ADGRG6: variants seen among roughly 807,000 people sequenced by gnomAD.
ADGRG6 encodes the protein G-protein coupled receptor 126.
In ADGRG6, 84 loss-of-function variants were observed where a neutral mutation model predicts 142.4. The observed-to-expected ratio is 0.59, with a 90% CI of 0.49 to 0.71. The LOEUF (loss-of-function observed/expected upper bound fraction) is 0.71, where lower values mean the gene tolerates loss of function less well. ADGRG6 is among the 30% of genes least tolerant of loss of function. The pLI is 0.00. For missense variants in ADGRG6, 1,367 were observed against 1,466.6 expected, an observed-to-expected ratio of 0.93 and a Z score of 1.11; for synonymous variants, 521 against 520.5, an observed-to-expected ratio of 1.00 and a Z score of -0.01.
chr6:142,323,247 A>T (rs80073600), intron 2 of ADGRG6, among the ~76,000 whole-genome samples: 6,356 of 152,140 alleles, frequency 0.042, 279 homozygotes, highest in African/African-American at 0.12. Flanking sequence ...ATACAAAAAC[A>T]TCTCATGAAA....
At chr6:142,433,461 C>T (rs1053359971) in intron 22 of ADGRG6, among the ~76,000 whole-genome samples, 5 of 152,164 alleles carry the variant, frequency 3.3e-5, no homozygotes, top group Admixed American at 6.5e-5. Flanking sequence ...CTTTAAAAAG[C>T]AATGAGATTT....
chr6:142,317,959 A>T (rs1279074575), intron 2 of ADGRG6, among the ~76,000 whole-genome samples: 2 of 68,452 alleles, frequency 2.9e-5, no homozygotes, highest in African/African-American at 1.2e-4. Flanking sequence ...TATATTATAT[A>T]TTTATATATT....
rs1380625105 is a variant in ADGRG6 at position 142,445,636 on chromosome 6, A to T, written c.*2121A>T. 1.3e-5 allele frequency: 2 copies of T among 152,172 alleles called. No homozygotes were observed. The highest frequency in any genetic ancestry group is 4.8e-5 in the African/African-American group (2 of 41,446). 9.4% of individuals were successfully genotyped at this position (152,172 alleles called of 1,614,324 possible). On this transcript the variant is annotated 3_prime_UTR_variant, in exon 25 of 25. Transcript: ENST00000367609. ...TTTTCAATAACCAGATGAGAAAAAA[A>T]TTAAGAAATTGCTCAAGGGAAACAT...
chr6:142,396,953 T>C (rs1249448675), intron 9 of ADGRG6, among the ~76,000 whole-genome samples: 1 of 152,170 alleles, frequency 6.6e-6, no homozygotes, highest in East Asian at 1.9e-4. Flanking sequence ...TAGAGGTATT[T>C]CCTTTTTAAA....
chr6:142,436,251 T>C (rs1166283619), intron 22 of ADGRG6, among the ~76,000 whole-genome samples: 1 of 152,116 alleles, frequency 6.6e-6, no homozygotes, highest in African/African-American at 2.4e-5. Flanking sequence ...CATGGACATG[T>C]AAACCTTTTT....
chr6:142,302,521 G>A (rs893513402), intron 1 of ADGRG6, 190 bp downstream of exon 1: 40 of 569,196 alleles, frequency 7.0e-5, no homozygotes, highest in Non-Finnish European at 1.1e-4. Flanking sequence ...TTGCCAAGTG[G>A]AGTTGTGACA....
At chr6:142,302,620 A>G (rs1777284625) in intron 1 of ADGRG6, 1 of 423,248 alleles carries the variant, frequency 2.4e-6, no homozygotes, top group East Asian at 3.6e-5. Flanking sequence ...GGCTTCAAGA[A>G]TGGGGAAAAC....
chr6:142,302,558 C>T (rs1777279685), intron 1 of ADGRG6: 5 of 524,702 alleles, frequency 9.5e-6, no homozygotes, highest in South Asian at 9.2e-5. Context: ...TTTTTTCCCC[C>T]AGCGAGGTAA....
chr6:142,359,171 C>T (rs1254732668), intron 2 of ADGRG6, among the ~76,000 whole-genome samples: 1 of 144,012 alleles, frequency 6.9e-6, no homozygotes, highest in African/African-American at 2.6e-5. Context: ...TGTACCAGTG[C>T]ACTCCAGCCT....
intron 2 of ADGRG6, among the ~76,000 whole-genome samples, chr6:142,333,381 A>G (rs559518231): frequency 6.6e-6 from 1 of 152,330 alleles, no homozygotes; most frequent in Non-Finnish European, 1.5e-5. Flanking sequence ...GAGTTTACAT[A>G]TAACATTAGG....
chr6:142,307,221 G>T (rs1003796493), intron 1 of ADGRG6, among the ~76,000 whole-genome samples: 1 of 152,080 alleles, frequency 6.6e-6, no homozygotes, highest in Non-Finnish European at 1.5e-5. Flanking sequence ...GATAATTGTC[G>T]TATGTCAAAG....
At chr6:142,438,125 A>G (rs1307974826) in intron 23 of ADGRG6, 87 bp from the exon 24 acceptor site, 1 of 745,784 alleles carries the variant, frequency 1.3e-6, no homozygotes, top group Non-Finnish European at 2.1e-6. Context: ...CAGATGCTCC[A>G]GATAAATAAT....
intron 3 of ADGRG6, among the ~76,000 whole-genome samples, chr6:142,369,373 T>G (rs1311718174): frequency 6.6e-6 from 1 of 152,218 alleles, no homozygotes; most frequent in Non-Finnish European, 1.5e-5. Flanking sequence ...CTTGGACATA[T>G]TAACTTATTT....
At chr6:142,306,085 G>C (rs1166887148) in intron 1 of ADGRG6, among the ~76,000 whole-genome samples, 1 of 152,146 alleles carries the variant, frequency 6.6e-6, no homozygotes, top group Non-Finnish European at 1.5e-5. Flanking sequence ...AAACAGAGTT[G>C]GGATATGGCG....
At chr6:142,344,671 A>C (rs12529231) in intron 2 of ADGRG6, among the ~76,000 whole-genome samples, 2 of 151,908 alleles carry the variant, frequency 1.3e-5, no homozygotes, top group Admixed American at 6.6e-5. Flanking sequence ...AATTTTTCAT[A>C]AAATAGCTGG....
chr6:142,440,829 C>A, intron 24 of ADGRG6: 3 of 728,774 alleles, frequency 4.1e-6, no homozygotes, highest in Non-Finnish European at 6.9e-6. Flanking sequence ...GTATGCAAAA[C>A]GTCACTGCAT....
intron 22 of ADGRG6, among the ~76,000 whole-genome samples, chr6:142,431,706 C>T (rs114014851): frequency 5.3e-5 from 8 of 152,092 alleles, no homozygotes; most frequent in East Asian, 3.9e-4. Flanking sequence ...GAGCAGATCA[C>T]GAGCTCAGGA....
chr6:142,388,841 A>G (rs2114962138), intron 6 of ADGRG6, among the ~76,000 whole-genome samples: 1 of 152,198 alleles, frequency 6.6e-6, no homozygotes, highest in East Asian at 1.9e-4. Flanking sequence ...GAATATTATC[A>G]GGATCCTGAA....
chr6:142,372,977 A>T (rs1036499980), intron 4 of ADGRG6, among the ~76,000 whole-genome samples: 1 of 152,202 alleles, frequency 6.6e-6, no homozygotes, highest in Non-Finnish European at 1.5e-5. Context: ...CTTATATTTA[A>T]ATTGAACACA....
Sources: gnomAD v4.1 joint callset for allele counts (sites outside exome capture counted in the v4.1 genomes callset) on GRCh38, gnomAD v4.1.1 for gene constraint, MANE v1.5 for transcripts, NCBI Gene and HGNC (gene_info 2026-07-23, HGNC 2026-07-21) for gene names.